FNBP1: variants seen among roughly 807,000 people sequenced by gnomAD.
FNBP1 encodes the protein formin-binding protein 1.
Under a neutral mutation model 90.6 loss-of-function variants are expected in FNBP1, and 26 were observed. The ratio of observed to expected loss-of-function variants is 0.29; its 90% confidence interval spans 0.21 to 0.40. FNBP1 has a LOEUF of 0.40. Ranked by LOEUF, FNBP1 falls within the 10% of genes least tolerant of loss-of-function variation. FNBP1 has a pLI of 1.00. For synonymous variants in FNBP1, 260 were observed against 265.2 expected, an observed-to-expected ratio of 0.98 and a Z score of 0.19; for missense variants, 635 against 768.0, an observed-to-expected ratio of 0.83 and a Z score of 2.05.
chr9:129,962,003 C>A (rs1301397798), intron 4 of FNBP1, among the ~76,000 whole-genome samples: 1 of 152,218 alleles, frequency 6.6e-6, no homozygotes, highest in Non-Finnish European at 1.5e-5. Context: ...ATGCAGGGAT[C>A]TCATGAACCC....
chr9:130,030,707 C>G (rs186468146), intron 1 of FNBP1, among the ~76,000 whole-genome samples: 5 of 152,142 alleles, frequency 3.3e-5, no homozygotes, highest in Admixed American at 2.6e-4. Context: ...AGGGCGAGAA[C>G]GTACGGATCA....
chr9:129,941,773 A>AT (rs1054199320), intron 6 of FNBP1, among the ~76,000 whole-genome samples: 1 of 151,958 alleles, frequency 6.6e-6, no homozygotes, highest in African/African-American at 2.4e-5. Flanking sequence ...CCTGAATGAT[A>AT]TTTTTTAAAA....
intron 2 of FNBP1, among the ~76,000 whole-genome samples, chr9:129,982,895 C>T (rs1345102829): frequency 6.6e-6 from 1 of 152,146 alleles, no homozygotes; most frequent in African/African-American, 2.4e-5. Context: ...AACTCCTAGC[C>T]TCAAGCAGTC....
At chr9:130,047,098 C>G (rs1205189808), upstream of FNBP1, among the ~76,000 whole-genome samples, 31 of 151,990 alleles carry the variant, frequency 2.0e-4, no homozygotes, top group Admixed American at 2.0e-3. Context: ...TATATGGTGG[C>G]TGAGGCAGGT....
At chr9:129,991,238 AGGT>A (rs1274426084) in intron 2 of FNBP1, among the ~76,000 whole-genome samples, 1 of 150,698 alleles carries the variant, frequency 6.6e-6, no homozygotes, top group African/African-American at 2.4e-5. Flanking sequence ...AGCTACCCTC[AGGT>A]GAGTGGAGGA....
At chr9:129,906,758 AT>A (rs966821553) in intron 12 of FNBP1, among the ~76,000 whole-genome samples, 2 of 152,012 alleles carry the variant, frequency 1.3e-5, no homozygotes, top group Admixed American at 1.3e-4. Flanking sequence ...TAAATGTATA[AT>A]TTAAGTCTTC....
At chr9:129,979,253 C>T (rs2050811499) in intron 3 of FNBP1, 65 bp downstream of exon 3, 2 of 907,046 alleles carry the variant, frequency 2.2e-6, no homozygotes, top group Admixed American at 2.2e-5. Context: ...ATGTATTTCT[C>T]CTTTCCGTGT....
chr9:129,995,275 CAT>C (rs1184555639), intron 1 of FNBP1, among the ~76,000 whole-genome samples: 1 of 152,174 alleles, frequency 6.6e-6, no homozygotes, highest in African/African-American at 2.4e-5. Context: ...ACAGGTGAAA[CAT>C]ACACACAAAC....
intron 12 of FNBP1, among the ~76,000 whole-genome samples, chr9:129,904,070 A>G (rs1025025672): frequency 7.2e-5 from 11 of 152,056 alleles, no homozygotes; most frequent in African/African-American, 2.7e-4. Context: ...AAAACCCCCA[A>G]ATATTTCCAC....
chr9:130,049,718 A>T, the FNBP1 span, among the ~76,000 whole-genome samples: 1 of 152,126 alleles, frequency 6.6e-6, no homozygotes, highest in African/African-American at 2.4e-5. Context: ...AATAAAAATA[A>T]AAATAAAAAT....
At chr9:129,939,636 A>G (rs2044035708) in intron 6 of FNBP1, among the ~76,000 whole-genome samples, 1 of 152,148 alleles carries the variant, frequency 6.6e-6, no homozygotes, top group Non-Finnish European at 1.5e-5. Flanking sequence ...CTGTGCTAGT[A>G]CAGATGGTGC....
At chr9:129,910,309 C>G (rs531374366) in intron 11 of FNBP1, 26 of 408,140 alleles carry the variant, frequency 6.4e-5, no homozygotes, top group South Asian at 2.6e-4. Context: ...TGTGAAACAC[C>G]GTCTCTGCTA....
chr9:129,946,344 A>G (rs1186408859), intron 6 of FNBP1, among the ~76,000 whole-genome samples: 1 of 152,232 alleles, frequency 6.6e-6, no homozygotes, highest in East Asian at 1.9e-4. Flanking sequence ...AAGTCTGTAT[A>G]CAAAAAATGG....
At chr9:129,950,974 T>C (rs1588808546) in intron 6 of FNBP1, among the ~76,000 whole-genome samples, 1 of 144,574 alleles carries the variant, frequency 6.9e-6, no homozygotes, top group East Asian at 2.0e-4. Context: ...TTAATTTTTT[T>C]TTTTTTTTTT....
At chr9:129,993,479 TA>T (rs71385500) in intron 2 of FNBP1, among the ~76,000 whole-genome samples, 41 of 141,138 alleles carry the variant, frequency 2.9e-4, no homozygotes, top group African/African-American at 8.3e-4. Flanking sequence ...CCAAAGTACT[TA>T]AAAAAAAAAA....
chr9:129,895,369 A>C, intron 16 of FNBP1: 1 of 1,075,436 alleles, frequency 9.3e-7, no homozygotes, highest in Non-Finnish European at 1.1e-6. Context: ...ACAAACTAAC[A>C]CAGTTCAGTT....
At chr9:129,898,944 C>T (rs754871677) in intron 15 of FNBP1, among the ~76,000 whole-genome samples, 9 of 152,074 alleles carry the variant, frequency 5.9e-5, no homozygotes, top group Non-Finnish European at 1.2e-4. Context: ...TCCCTATCGT[C>T]TGCTGCAGTG....
intron 6 of FNBP1, among the ~76,000 whole-genome samples, chr9:129,948,780 A>T (rs1416785199): frequency 6.6e-6 from 1 of 152,006 alleles, no homozygotes; most frequent in Admixed American, 6.6e-5. Context: ...ACCTCAAGTG[A>T]TCCGCCAGCC....
Position 129,961,255 on chromosome 9 carries a change from T to C in FNBP1, c.346-2702A>G, listed in dbSNP as rs561188680. Among the ~76,000 whole-genome samples the C allele has an allele frequency of 1.4e-4, 22 of 151,938 alleles. No homozygotes were observed. In the East Asian group the frequency reaches 4.1e-3, roughly 28 times the overall value. ...TTGAACTGGGAGGCGGAGGTTGCGG[T>C]GAGCCGAGATAGTACCATTGTACTC... is the stretch of plus-strand genomic sequence containing the variant. On this transcript the variant is annotated intron_variant, in intron 4 of 16. Transcript: ENST00000446176.
Sources: gnomAD v4.1 joint callset for allele counts (sites outside exome capture counted in the v4.1 genomes callset) on GRCh38, gnomAD v4.1.1 for gene constraint, MANE v1.5 for transcripts, NCBI Gene and HGNC (gene_info 2026-07-23, HGNC 2026-07-21) for gene names.